CSMD1: variants seen among roughly 807,000 people sequenced by gnomAD.
CSMD1 encodes the protein CUB and Sushi multiple domains 1.
Under a neutral mutation model 417.5 loss-of-function variants are expected in CSMD1, and 213 were observed. The observed-to-expected ratio is 0.51, with a 90% CI of 0.46 to 0.57. The LOEUF (loss-of-function observed/expected upper bound fraction) is 0.57, where lower values mean the gene tolerates loss of function less well. CSMD1 is among the 20% of genes least tolerant of loss of function. CSMD1 has a pLI of 0.00. For missense variants in CSMD1, 6,923 were observed against 4,529.7 expected, an observed-to-expected ratio of 1.53 and a Z score of -15.17; for synonymous variants, 2,862 against 1,736.8, an observed-to-expected ratio of 1.65 and a Z score of -16.11.
intron 10 of CSMD1, among the ~76,000 whole-genome samples, chr8:3,523,920 C>G (rs761945463): frequency 1.3e-5 from 2 of 151,684 alleles, no homozygotes; most frequent in Non-Finnish European, 2.9e-5. Context: ...CACGCACACA[C>G]ACATATGCAT....
intron 1 of CSMD1, among the ~76,000 whole-genome samples, chr8:4,815,312 G>C (rs575250345): frequency 2.0e-5 from 3 of 152,272 alleles, no homozygotes; most frequent in African/African-American, 4.8e-5. Flanking sequence ...TCAGCCTTCT[G>C]AGTTAGGCAA....
At chr8:3,096,411 T>TA (rs982697985) in intron 47 of CSMD1, among the ~76,000 whole-genome samples, 148 of 152,284 alleles carry the variant, frequency 9.7e-4, no homozygotes, top group African/African-American at 3.4e-3. Flanking sequence ...CTGATGGTTT[T>TA]AAAAATGGGA....
At chr8:4,616,075 C>T (rs1801458654) in intron 2 of CSMD1, among the ~76,000 whole-genome samples, 1 of 152,178 alleles carries the variant, frequency 6.6e-6, no homozygotes, top group Non-Finnish European at 1.5e-5. Context: ...GTTCTTATTT[C>T]ATAGTGCAAC....
At chr8:4,293,171 G>C (rs1051333752) in intron 3 of CSMD1, among the ~76,000 whole-genome samples, 3 of 152,050 alleles carry the variant, frequency 2.0e-5, no homozygotes, top group African/African-American at 4.8e-5. Flanking sequence ...ATACTCTGAG[G>C]ACTGAACCTC....
At chr8:3,459,046 G>C (rs1027074103) in intron 12 of CSMD1, among the ~76,000 whole-genome samples, 1 of 152,240 alleles carries the variant, frequency 6.6e-6, no homozygotes, top group Non-Finnish European at 1.5e-5. Flanking sequence ...CGCCCGGAGA[G>C]AAGGGAAGCG....
At chr8:4,846,209 T>C (rs1801136827) in intron 1 of CSMD1, among the ~76,000 whole-genome samples, 1 of 152,212 alleles carries the variant, frequency 6.6e-6, no homozygotes, top group Non-Finnish European at 1.5e-5. Context: ...CAGGATCTTT[T>C]TTTTCTTTTT....
Position 4,261,147 on chromosome 8 carries a change from T to C in CSMD1, c.415+158806A>G, listed in dbSNP as rs148380801. 5.6e-3 allele frequency among the ~76,000 whole-genome samples: 851 copies of C among 152,326 alleles called. 6 individuals carry two copies. The highest frequency in any genetic ancestry group is 0.02 in the African/African-American group (814 of 41,576). Reference sequence around the variant, plus strand: ...TTGTTAGACTCTTTTTTCTCCCTTCTACTGGCTTGAAAGTTGTCTATTCTG... The same window carrying C: ...TTGTTAGACTCTTTTTTCTCCCTTCCACTGGCTTGAAAGTTGTCTATTCTG... On this transcript the variant is annotated intron_variant, in intron 3 of 69. Coordinates refer to ENST00000635120, the MANE Select transcript of CSMD1 (RefSeq NM_033225.6).
chr8:4,673,865 G>C, intron 1 of CSMD1, among the ~76,000 whole-genome samples: 1 of 152,124 alleles, frequency 6.6e-6, no homozygotes, highest in Non-Finnish European at 1.5e-5. Context: ...CGTGATGGAA[G>C]TGAGGGGCTG....
chr8:4,877,313 A>G (rs1803104910), intron 1 of CSMD1, among the ~76,000 whole-genome samples: 1 of 152,116 alleles, frequency 6.6e-6, no homozygotes, highest in Non-Finnish European at 1.5e-5. Context: ...GCTGCATTTA[A>G]AAATTTTACA....
Position 3,251,590 on chromosome 8 carries a change from A to C in CSMD1, c.4154-21359T>G, listed in dbSNP as rs184697486. On this transcript the variant is annotated intron_variant, in intron 26 of 69. Transcript: ENST00000635120. ...ATGAACTTTAAAGTAGTTTTTTCCA[A>C]TTCTGTGAAGAAAGTCATTGGTAGC... Among the ~76,000 whole-genome samples the C allele has an allele frequency of 4.4e-3, 665 of 152,182 alleles. 3 individuals are homozygous for C. Among genetic ancestry groups the C allele is most frequent in the African/African-American group, 0.014 (600 of 41,516 alleles).
intron 26 of CSMD1, among the ~76,000 whole-genome samples, chr8:3,240,040 G>A (rs1392707684): frequency 2.6e-5 from 4 of 152,136 alleles, no homozygotes; most frequent in African/African-American, 9.7e-5. Context: ...AGTGAGTTGA[G>A]CATAGTTTGT....
intron 23 of CSMD1, among the ~76,000 whole-genome samples, chr8:3,320,636 T>C (rs976938513): frequency 1.3e-5 from 2 of 152,170 alleles, no homozygotes; most frequent in African/African-American, 2.4e-5. Flanking sequence ...CAGCCTCAAC[T>C]AGACCACCGC....
intron 7 of CSMD1, among the ~76,000 whole-genome samples, chr8:3,637,388 C>T (rs1385098439): frequency 6.6e-6 from 1 of 152,106 alleles, no homozygotes; most frequent in African/African-American, 2.4e-5. Context: ...ATTCAAATGT[C>T]TAACCACCTT....
At chr8:3,405,963 G>A (rs1812319327) in intron 15 of CSMD1, 64 bp downstream of exon 15, 7 of 1,492,198 alleles carry the variant, frequency 4.7e-6, no homozygotes, top group Admixed American at 1.8e-5. Flanking sequence ...GTTGGTTTGT[G>A]TGTGTGCCTG....
At chr8:4,017,234 A>AT (rs982721391) in intron 4 of CSMD1, among the ~76,000 whole-genome samples, 7 of 151,958 alleles carry the variant, frequency 4.6e-5, no homozygotes, top group South Asian at 2.1e-4. Flanking sequence ...TGTCAGCACT[A>AT]TTTTTTTCAC....
intron 21 of CSMD1, among the ~76,000 whole-genome samples, chr8:3,354,919 C>CTATCTATAGATATAGA (rs1563304014): frequency 7.1e-6 from 1 of 141,572 alleles, no homozygotes; most frequent in Non-Finnish European, 1.5e-5. Context: ...ATAGATATGT[C>CTATCTATAGATATAGA]TATCTATAGA....
At chr8:4,446,755 CTGTGTGTGTGTG>C (rs58002310) in intron 2 of CSMD1, among the ~76,000 whole-genome samples, 17,744 of 132,972 alleles carry the variant, frequency 0.13, 1,230 homozygotes, top group East Asian at 0.32. Context: ...GTGTGTGTGT[CTGTGTGTGTGTG>C]TGTGTGTGTG....
chr8:4,835,759 G>A (rs1800440302), intron 1 of CSMD1, among the ~76,000 whole-genome samples: 1 of 151,252 alleles, frequency 6.6e-6, no homozygotes, highest in African/African-American at 2.4e-5. Context: ...CACCATGCTA[G>A]GTACTGCAGC....
intron 7 of CSMD1, among the ~76,000 whole-genome samples, chr8:3,699,705 G>A (rs1207949846): frequency 1.3e-5 from 2 of 152,182 alleles, no homozygotes; most frequent in African/African-American, 2.4e-5. Context: ...AATTTCCCCT[G>A]GAGAAGGAAC....
Sources: gnomAD v4.1 joint callset for allele counts (sites outside exome capture counted in the v4.1 genomes callset) on GRCh38, gnomAD v4.1.1 for gene constraint, MANE v1.5 for transcripts, NCBI Gene and HGNC (gene_info 2026-07-23, HGNC 2026-07-21) for gene names.